Variants in PARD3 observed in about 807,000 individuals in gnomAD.
PARD3 encodes par-3 family cell polarity regulator.
In PARD3, 75 loss-of-function variants were observed where a neutral mutation model predicts 155.4. The ratio of observed to expected loss-of-function variants is 0.48; its 90% CI spans 0.40 to 0.58. The LOEUF is 0.58. Ranked by LOEUF, PARD3 falls within the 20% of genes least tolerant of loss-of-function variation. The probability of loss-of-function intolerance (pLI) is 0.00; values close to 1 mark genes in which losing one functional copy is unlikely to be tolerated. For missense variants in PARD3, 1,642 were observed against 1,721.7 expected (o/e 0.95, Z 0.82); for synonymous variants, 576 against 610.5 (o/e 0.94, Z 0.83).
intron 2 of PARD3, among the ~76,000 whole-genome samples, chr10:34,644,642 T>C (rs2092780537): frequency 6.6e-6 from 1 of 152,340 alleles, no homozygotes; most frequent in South Asian, 2.1e-4. Context: ...CACTCTCATT[T>C]CTCAGGGTCA....
At chr10:34,282,734 GGTAT>G (rs1272710687) in intron 21 of PARD3, among the ~76,000 whole-genome samples, 2 of 151,978 alleles carry the variant, frequency 1.3e-5, no homozygotes, top group Non-Finnish European at 2.9e-5. Flanking sequence ...ACATTTACCT[GGTAT>G]AGTCTCCTCC....
intron 2 of PARD3, among the ~76,000 whole-genome samples, chr10:34,564,127 T>C (rs528145018): frequency 3.3e-4 from 50 of 152,324 alleles, no homozygotes; most frequent in Non-Finnish European, 5.4e-4. Flanking sequence ...TCTCTATGCA[T>C]GAAATGAAGT....
intron 2 of PARD3, among the ~76,000 whole-genome samples, chr10:34,523,935 A>AC (rs1274727169): frequency 1.3e-5 from 2 of 152,126 alleles, no homozygotes; most frequent in Non-Finnish European, 2.9e-5. Context: ...CTGCCCTTTC[A>AC]CTCAAGGATG....
chr10:34,606,916 G>A (rs575875968), intron 2 of PARD3, among the ~76,000 whole-genome samples: 29 of 142,612 alleles, frequency 2.0e-4, no homozygotes, highest in African/African-American at 7.0e-4. Flanking sequence ...GTAGTGAGCC[G>A]AGATCACACC....
intron 14 of PARD3, among the ~76,000 whole-genome samples, chr10:34,350,417 G>A (rs1267050644): frequency 6.6e-6 from 1 of 152,180 alleles, no homozygotes; most frequent in African/African-American, 2.4e-5. Context: ...GGCCGAGGCG[G>A]GTGGATCATG....
chr10:34,142,638 C>CGAAGGAAG (rs148760321), intron 22 of PARD3, among the ~76,000 whole-genome samples: 15 of 146,820 alleles, frequency 1.0e-4, no homozygotes, highest in South Asian at 2.1e-4. Flanking sequence ...GAAGAAAGGA[C>CGAAGGAAG]GAAGGAAGGA....
At chr10:34,662,292 A>G (rs778257612) in intron 2 of PARD3, among the ~76,000 whole-genome samples, 8 of 152,300 alleles carry the variant, frequency 5.3e-5, no homozygotes, top group Non-Finnish European at 1.2e-4. Context: ...AGAAAACCTC[A>G]TACACTGTTG....
At chr10:34,252,937 T>A (rs1954416046) in intron 22 of PARD3, among the ~76,000 whole-genome samples, 1 of 152,142 alleles carries the variant, frequency 6.6e-6, no homozygotes, top group African/African-American at 2.4e-5. Context: ...ATGGGTAGGA[T>A]GTAGGAAACT....
At chr10:34,406,085 C>A (rs568733258) in intron 5 of PARD3, among the ~76,000 whole-genome samples, 7 of 152,082 alleles carry the variant, frequency 4.6e-5, no homozygotes, top group Non-Finnish European at 1.0e-4. Context: ...AGAGTTTAAT[C>A]AAAGGATTGA....
At chr10:34,558,120 T>C (rs1461611060) in intron 2 of PARD3, among the ~76,000 whole-genome samples, 2 of 152,136 alleles carry the variant, frequency 1.3e-5, no homozygotes, top group Non-Finnish European at 2.9e-5. Flanking sequence ...TGAACGTTTC[T>C]CACCATGTTC....
chr10:34,731,521 A>T (rs1312508344), intron 1 of PARD3, among the ~76,000 whole-genome samples: 1 of 152,222 alleles, frequency 6.6e-6, no homozygotes, highest in African/African-American at 2.4e-5. Context: ...TGTCCTATAA[A>T]GTTTCTCATA....
chr10:34,781,976 T>C (rs1432946143), intron 1 of PARD3, among the ~76,000 whole-genome samples: 1 of 152,234 alleles, frequency 6.6e-6, no homozygotes, highest in Non-Finnish European at 1.5e-5. Context: ...ATAAACATTC[T>C]GAAAGGTAGT....
intron 22 of PARD3, among the ~76,000 whole-genome samples, chr10:34,143,226 G>A (rs879290339): frequency 6.6e-5 from 10 of 152,074 alleles, no homozygotes; most frequent in Non-Finnish European, 1.3e-4. Flanking sequence ...AAGCTGAATC[G>A]CTTGAACCCA....
At chr10:34,258,946 G>A (rs748168857) in intron 22 of PARD3, among the ~76,000 whole-genome samples, 4 of 152,088 alleles carry the variant, frequency 2.6e-5, no homozygotes, top group Non-Finnish European at 5.9e-5. Context: ...GCACCTACCT[G>A]TAGTCCCAGC....
intron 5 of PARD3, among the ~76,000 whole-genome samples, chr10:34,431,932 C>T (rs897223863): frequency 2.7e-5 from 4 of 146,286 alleles, no homozygotes; most frequent in Non-Finnish European, 4.5e-5. Context: ...GTCCCAGCTA[C>T]TCGGGAGGCT....
intron 4 of PARD3, among the ~76,000 whole-genome samples, chr10:34,458,225 C>G (rs1041640057): frequency 3.3e-5 from 5 of 151,892 alleles, no homozygotes; most frequent in African/African-American, 1.2e-4. Context: ...TTTGGGGAGA[C>G]AGGGTCTCAC....
intron 5 of PARD3, among the ~76,000 whole-genome samples, chr10:34,429,006 AT>A (rs2075765066): frequency 6.6e-6 from 1 of 152,230 alleles, no homozygotes; most frequent in Non-Finnish European, 1.5e-5. Flanking sequence ...CAGTATGCAT[AT>A]GGAAATTTTT....
intron 2 of PARD3, among the ~76,000 whole-genome samples, chr10:34,682,349 G>A (rs1038280538): frequency 2.0e-5 from 3 of 147,606 alleles, no homozygotes; most frequent in Non-Finnish European, 4.4e-5. Context: ...AACCCGGGAG[G>A]TGGAGGTTGC....
At chr10:34,384,710 G>C (rs1842175560) in intron 7 of PARD3, among the ~76,000 whole-genome samples, 1 of 152,192 alleles carries the variant, frequency 6.6e-6, no homozygotes, top group African/African-American at 2.4e-5. Context: ...TAACCTCATT[G>C]CACTGCAGGT....
Sources: allele counts gnomAD v4.1 joint callset (sites outside exome capture counted in the v4.1 genomes callset), GRCh38; gene constraint gnomAD v4.1.1; transcripts MANE v1.5; gene names NCBI Gene and HGNC (gene_info 2026-07-23, HGNC 2026-07-21).